CEL: variants seen among roughly 807,000 people sequenced by gnomAD.
CEL encodes the protein carboxyl ester lipase.
A neutral mutation model predicts 57.1 loss-of-function variants in CEL; 39 were observed. The observed-to-expected ratio is 0.68, with a 90% CI of 0.53 to 0.89. The LOEUF (loss-of-function observed/expected upper bound fraction) is 0.89. Ranked by LOEUF, CEL falls within the 40% of genes least tolerant of loss-of-function variation. The pLI, the probability that CEL is intolerant of heterozygous loss-of-function variation, is 0.00. For missense variants in CEL, 698 were observed against 915.0 expected (o/e 0.76, Z 3.06); for synonymous variants, 314 against 396.6 (o/e 0.79, Z 2.48).
rs1366146541 is a variant in CEL, at chr9:133,066,500, C to T, written c.539-30C>T. ...GAGGCCAGGCCTGGGCCACTGGTCT[C>T]TAGCACCCCCTCCCCTGCCCTGCCC... On this transcript the variant is annotated intron_variant, in intron 4 of 10. Transcript: ENST00000372080. The surrounding 1 kb of genome is among the most constrained non-coding windows in gnomAD (Gnocchi z 4.3). 4.3e-6 allele frequency: 7 copies of T among 1,613,592 alleles called. No homozygotes were observed. The highest frequency in any genetic ancestry group is 5.9e-6 in the Non-Finnish European group (7 of 1,179,974).
rs541029608 is a variant in CEL at position 133,066,422 on chromosome 9, C to T, written c.539-108C>T. ...TTTGCCAACTGGGGCTCTGCCATGG[C>T]CCCAACTCTGTTGAGGGCATTTCCA... On this transcript the variant is annotated intron_variant, in intron 4 of 10. Transcript: ENST00000372080. This position sits in a 1 kb window ranked among gnomAD's most constrained non-coding sequence, Gnocchi z 4.3. 6.7e-4 allele frequency: 976 copies of T among 1,446,236 alleles called. 2 individuals carry two copies. Among genetic ancestry groups the T allele is most frequent in the Non-Finnish European group, 9.0e-4 (936 of 1,043,240 alleles). 89.6% of individuals were successfully genotyped at this position (1,446,236 alleles called of 1,614,324 possible). A position where few individuals can be genotyped will look rare whatever the true frequency, so the allele number is the denominator to read the frequency against.
At position 133,066,164 on chromosome 9, in the gene CEL, AG is replaced by A. The variant is rs1290797161; in HGVS notation, c.539-363del. Among the ~76,000 whole-genome samples the A allele has an allele frequency of 1.3e-5, 2 of 152,232 alleles. No homozygotes were observed. The highest frequency in any genetic ancestry group is 6.5e-5 in the Admixed American group (1 of 15,298). The stretch of plus-strand genomic sequence containing the variant: ...ACAGAAGTGGCAGGACACAGACAGG[AG>A]GGACTGGGGCAGGGGCAGGAGAGGT... On this transcript the variant is annotated intron_variant, in intron 4 of 10. Coordinates refer to ENST00000372080, the MANE Select transcript of CEL (RefSeq NM_001807.6). This position sits in a 1 kb window ranked among gnomAD's most constrained non-coding sequence, Gnocchi z 4.3.
In CEL at chr9:133,066,987, C is replaced by G. The variant is rs1224823479; in HGVS notation, c.777+42C>G. 1.9e-6 allele frequency: 3 copies of G among 1,601,632 alleles called. No individual in the cohort carries two copies. The African/African-American group carries it at 4.0e-5, about 21-fold the overall frequency. On this transcript the variant is annotated intron_variant, in intron 6 of 10. Transcript: ENST00000372080. This position sits in a 1 kb window ranked among gnomAD's most constrained non-coding sequence, Gnocchi z 4.3. The stretch of plus-strand genomic sequence containing the variant: ...AGGGCTGGGCGGGGTGGGGGCTGTC[C>G]ACATTTCCGTTCTTTATCCTGGACC...
chr9:133,071,820 C>A lies in CEL; in HGVS notation c.*56C>A. On this transcript the variant is annotated 3_prime_UTR_variant, in exon 11 of 11. Coordinates refer to ENST00000372080, the MANE Select transcript of CEL (RefSeq NM_001807.6). ...CAAGAGTGGGACCCCAGGGGCTCCC[C>A]TCCCATCTTGAGCTCTTCCTGAATA... The A allele has an allele frequency of 6.7e-7, 1 of 1,500,392 alleles. No individual in the cohort carries two copies. Among genetic ancestry groups the A allele is most frequent in the Non-Finnish European group, 9.3e-7 (1 of 1,080,760 alleles). The allele number at this position is 1,500,392 out of a possible 1,614,324, so 92.9% of individuals were successfully genotyped here.
rs1469705473 is a variant in CEL at position 133,070,546 on chromosome 9, G to T, written c.1372G>T (p.Asp458Tyr). Residue 458 changes from aspartate (D) to tyrosine (Y), a missense_variant, in exon 10 of 11, where the codon GAC becomes TAC. By Grantham distance (160) the Asp-to-Tyr change is radical (BLOSUM62 -3). Around this residue, in one of 6 missense-constraint regions of CEL, gnomAD observed 111 missense variants for 147.3 expected, o/e 0.75. Transcript: ENST00000372080. The stretch of plus-strand genomic sequence containing the variant: ...ATGGGTGGGGGCCGACCATGCAGAT[G>T]ACATTCAGTACGTTTTCGGGAAGCC... ...PKWVGADHAD[D>Y]IQYVFGKPFA... 9 of 1,613,974 alleles carry T rather than the reference G, an allele frequency of 5.6e-6. No individual in the cohort carries two copies. The highest frequency in any genetic ancestry group is 6.8e-6 in the Non-Finnish European group (8 of 1,180,024).
Position 133,071,809 on chromosome 9 carries a change from CA to C in CEL, c.*46del. The C allele has an allele frequency of 6.4e-7, 1 of 1,551,366 alleles. No individual in the cohort carries two copies. The highest frequency in any genetic ancestry group is 8.9e-7 in the Non-Finnish European group (1 of 1,125,550). On this transcript the variant is annotated 3_prime_UTR_variant, in exon 11 of 11. Transcript: ENST00000372080. Reference sequence around the variant, plus strand: ...TCAAGAGGCCACAAGAGTGGGACCCCAGGGGCTCCCCTCCCATCTTGAGCTC... The same window carrying C: ...TCAAGAGGCCACAAGAGTGGGACCCCGGGGCTCCCCTCCCATCTTGAGCTC...
chr9:133,067,570 T>C (rs1186025486), intron 7 of CEL, among the ~76,000 whole-genome samples: 2 of 152,144 alleles, frequency 1.3e-5, no homozygotes, highest in East Asian at 3.9e-4. Flanking sequence ...GGATGGAGTT[T>C]CATCGTGTTA....
At chr9:133,065,379 A>G in intron 4 of CEL, 142 bp downstream of exon 4, 1 of 966,480 alleles carries the variant, frequency 1.0e-6, no homozygotes, top group Non-Finnish European at 1.6e-6. Context: ...CATGAGATGC[A>G]GGAGGCCCTT....
At chr9:133,062,271 TGTAA>T (rs1830104266) in intron 1 of CEL, among the ~76,000 whole-genome samples, 1 of 150,926 alleles carries the variant, frequency 6.6e-6, no homozygotes, top group Non-Finnish European at 1.5e-5. Flanking sequence ...AGAACTGCTG[TGTAA>T]GTATGTCCCA....
rs1273012128 is a variant in CEL at position 133,070,606 on chromosome 9, A to C, written c.1432A>C (p.Arg478=). 1.2e-6 allele frequency: 2 copies of C among 1,614,002 alleles called. No homozygotes were observed. Among genetic ancestry groups the C allele is most frequent in the Non-Finnish European group, 1.7e-6 (2 of 1,180,022 alleles). Residue 478 remains arginine (R), a synonymous_variant, in exon 10 of 11, where the codon AGG becomes CGG. Transcript: ENST00000372080. ...CCCCACGGGCTACCGGCCCCAAGAC[A>C]GGACAGTCTCTAAGGCCATGATCGC... ...ATPTGYRPQD[R]TVSKAMIAYW...
chr9:133,070,024 AAGAT>A (rs1488059038), intron 9 of CEL, among the ~76,000 whole-genome samples: 3 of 152,002 alleles, frequency 2.0e-5, no homozygotes, highest in African/African-American at 7.3e-5. Flanking sequence ...GAATACGAAA[AAGAT>A]AGGAAGATAA....
rs527649141 is a variant in CEL, at chr9:133,067,306, C to T, written c.895+101C>T. The T allele has an allele frequency of 9.2e-4, 983 of 1,066,160 alleles. 1 individual carries two copies. Among genetic ancestry groups the T allele is most frequent in the Non-Finnish European group, 8.3e-4 (588 of 706,724 alleles). 66.0% of individuals were successfully genotyped at this position (1,066,160 alleles called of 1,614,324 possible). Reference sequence around the variant, plus strand: ...AGGAGAGAGGAAGGTGCCAGAGCTGCGGTCTTGTCCTGTCACCAACTAGCT... The same window carrying T: ...AGGAGAGAGGAAGGTGCCAGAGCTGTGGTCTTGTCCTGTCACCAACTAGCT... On this transcript the variant is annotated intron_variant, in intron 7 of 10. Coordinates refer to ENST00000372080, the MANE Select transcript of CEL (RefSeq NM_001807.6).
rs1232698804 is a variant in CEL at position 133,066,295 on chromosome 9, C to A, written c.539-235C>A. The stretch of plus-strand genomic sequence containing the variant: ...CCATACAGCACCGCACCCGACTCAG[C>A]CTCCTGGGGACCCACCCACTCCAGC... On this transcript the variant is annotated intron_variant, in intron 4 of 10. Transcript: ENST00000372080. The surrounding 1 kb of genome is among the most constrained non-coding windows in gnomAD (Gnocchi z 4.3). Among the ~76,000 whole-genome samples the A allele has an allele frequency of 6.6e-6, 1 of 151,888 alleles. No homozygotes were observed. The highest frequency in any genetic ancestry group is 1.5e-5 in the Non-Finnish European group (1 of 67,960).
chr9:133,064,040 GAC>G (rs1354264368), intron 1 of CEL, among the ~76,000 whole-genome samples: 2 of 152,202 alleles, frequency 1.3e-5, no homozygotes, highest in Non-Finnish European at 2.9e-5. Context: ...GCCGACAGGA[GAC>G]ACGGCTGTTG....
In CEL at chr9:133,064,421, A is replaced by G. The variant is rs773387710; in HGVS notation, c.84A>G (p.Thr28=). ...CCTCGCAGCTGGGCGCCGTGTACAC[A>G]GAAGGTGGGTTCGTGGAAGGCGTCA... The part of the protein sequence containing the change: ...ASAAKLGAVY[T]EGGFVEGVNK... Residue 28 remains threonine, a synonymous_variant, in exon 2 of 11, where the codon ACA becomes ACG. Transcript: ENST00000372080. 5 of 1,614,024 alleles carry G rather than the reference A, an allele frequency of 3.1e-6. No individual in the cohort carries two copies. The South Asian group carries it at 5.5e-5, about 18-fold the overall frequency.
Position 133,066,559 on chromosome 9 carries a change from G to A in CEL, c.568G>A (p.Ala190Thr). The A allele has an allele frequency of 1.2e-6, 2 of 1,613,996 alleles. No individual in the cohort carries two copies. Among genetic ancestry groups the A allele is most frequent in the Non-Finnish European group, 1.7e-6 (2 of 1,180,006 alleles). The stretch of plus-strand genomic sequence containing the variant: ...CTATGGCCTTCGGGATCAGCACATG[G>A]CCATTGCTTGGGTGAAGAGGAATAT... ...GNYGLRDQHM[A>T]IAWVKRNIAA... The change falls in exon 5 of 11, where the codon GCC (alanine) becomes ACC (threonine). Residue 190 changes from alanine to threonine, a missense_variant. Around this residue, in one of 6 missense-constraint regions of CEL, gnomAD observed 327 missense variants for 374.1 expected, o/e 0.87. Transcript: ENST00000372080. The surrounding 1 kb of genome is among the most constrained non-coding windows in gnomAD (Gnocchi z 4.3).
In CEL at chr9:133,071,679, C is replaced by G; in HGVS notation, c.2177C>G (p.Pro726Arg). ...PTGDSGAPPVPPTGDSEAAPV... is the reference protein window; with the variant it reads ...PTGDSGAPPVRPTGDSEAAPV... ...GGTGACTCCGGGGCCCCCCCTGTGC[C>G]CCCCACGGGTGACTCTGAGGCTGCC... The change falls in exon 11 of 11, where the codon CCC (proline) becomes CGC (arginine). Residue 726 changes from proline (P) to arginine (R), a missense_variant. Transcript: ENST00000372080. 6.2e-7 allele frequency: 1 copy of G among 1,603,404 alleles called. No individual in the cohort carries two copies. The highest frequency in any genetic ancestry group is 8.5e-7 in the Non-Finnish European group (1 of 1,172,490).
In CEL at chr9:133,066,603, C is replaced by T; in HGVS notation, c.612C>T (p.Asp204=). 1 of 1,613,918 alleles carries T rather than the reference C, an allele frequency of 6.2e-7. No individual in the cohort carries two copies. The highest frequency in any genetic ancestry group is 8.5e-7 in the Non-Finnish European group (1 of 1,180,024). ...VKRNIAAFGG[D]PNNITLFGES... is the part of the protein sequence containing the mutation. ...GGAATATCGCGGCCTTCGGGGGGGA[C>T]CCCAACAACATCACGCTCTTCGGGG... is the stretch of plus-strand genomic sequence containing the variant. Residue 204 remains aspartate (D), a synonymous_variant, in exon 5 of 11, where the codon GAC becomes GAT. Transcript: ENST00000372080. The surrounding 1 kb of genome is among the most constrained non-coding windows in gnomAD (Gnocchi z 4.3).
chr9:133,071,677 G>A lies in CEL; in HGVS notation c.2175G>A (p.Val725=). ...PPTGDSGAPP[V]PPTGDSEAAP... ...CGGGTGACTCCGGGGCCCCCCCTGT[G>A]CCCCCCACGGGTGACTCTGAGGCTG... Residue 725 remains valine (V), a synonymous_variant, in exon 11 of 11, where the codon GTG becomes GTA. Transcript: ENST00000372080. The A allele has an allele frequency of 1.9e-6, 3 of 1,594,716 alleles. No homozygotes were observed. The highest frequency in any genetic ancestry group is 2.6e-6 in the Non-Finnish European group (3 of 1,168,260).
Sources: allele counts gnomAD v4.1 joint callset (sites outside exome capture counted in the v4.1 genomes callset), GRCh38; gene constraint gnomAD v4.1.1; regional missense constraint gnomAD v4.1.1; non-coding constraint Gnocchi (gnomAD v3.1); transcripts MANE v1.5; gene names NCBI Gene and HGNC (gene_info 2026-07-23, HGNC 2026-07-21).